The following MTA3 variants were observed in gnomAD, a reference collection of about 807,000 sequenced individuals.
MTA3 encodes metastasis-associated protein MTA3.
In MTA3, 34 loss-of-function variants were observed where a neutral mutation model predicts 83.5. That is an observed-to-expected ratio of 0.41 (90% CI 0.31 to 0.54). MTA3 has a LOEUF of 0.54. Among genes scored for constraint, MTA3 ranks in the 20% least tolerant of loss-of-function variants. The pLI is 0.33. For missense variants in MTA3, 761 were observed against 726.4 expected (o/e 1.05, Z -0.55); for synonymous variants, 303 against 252.7 (o/e 1.20, Z -1.89).
chr2:42,578,685 C>T (rs1679305067), intron 2 of MTA3, among the ~76,000 whole-genome samples: 1 of 152,028 alleles, frequency 6.6e-6, no homozygotes, highest in African/African-American at 2.4e-5. Flanking sequence ...TGGGTTTGGA[C>T]GAGGTGTGTT....
intron 2 of MTA3, among the ~76,000 whole-genome samples, chr2:42,509,412 G>C (rs938458924): frequency 6.6e-6 from 1 of 152,092 alleles, no homozygotes; most frequent in African/African-American, 2.4e-5. Context: ...CAAGGACTCT[G>C]GGGTCAGTTC....
intron 2 of MTA3, among the ~76,000 whole-genome samples, chr2:42,575,447 T>C (rs754260190): frequency 1.3e-5 from 2 of 152,230 alleles, no homozygotes; most frequent in Non-Finnish European, 2.9e-5. Context: ...TGTTAATGCT[T>C]ATGTGTACAT....
At chr2:42,599,427 T>C (rs1185803055) in intron 3 of MTA3, among the ~76,000 whole-genome samples, 1 of 151,872 alleles carries the variant, frequency 6.6e-6, no homozygotes, top group African/African-American at 2.4e-5. Context: ...ACCCCGTCTC[T>C]ACTAAAAAAA....
chr2:42,561,581 C>T (rs1025987282), intron 2 of MTA3, among the ~76,000 whole-genome samples: 2 of 152,112 alleles, frequency 1.3e-5, no homozygotes, highest in African/African-American at 4.8e-5. Context: ...CCTCTGCCTC[C>T]CAAAGTGCTG....
rs114284323 is a variant in MTA3, at chr2:42,656,857, A to G, written c.602+555A>G. Among the ~76,000 whole-genome samples the G allele has an allele frequency of 2.6e-3, 398 of 152,370 alleles. 1 individual carries two copies. Among genetic ancestry groups the G allele is most frequent in the African/African-American group, 9.1e-3 (380 of 41,584 alleles). On this transcript the variant is annotated intron_variant, in intron 7 of 16. Coordinates refer to ENST00000405094, the MANE Select transcript of MTA3 (RefSeq NM_001330442.2). ...AAAGTACATCAGCAAGCAATTGATG[A>G]ATGAACTGAGGTATACTCATATAGT...
At chr2:42,593,109 T>C (rs919492161) in intron 3 of MTA3, among the ~76,000 whole-genome samples, 1 of 151,710 alleles carries the variant, frequency 6.6e-6, no homozygotes, top group Non-Finnish European at 1.5e-5. Context: ...GCCGAGATCA[T>C]GTCACTGCAC....
chr2:42,710,904 C>A (rs55704257), intron 14 of MTA3, among the ~76,000 whole-genome samples: 14,496 of 151,632 alleles, frequency 0.096, 883 homozygotes, highest in Non-Finnish European at 0.13. Flanking sequence ...CATGGTGAAG[C>A]CTCATCTCTA....
chr2:42,652,418 CTTG>C (rs1688804816), intron 6 of MTA3, among the ~76,000 whole-genome samples: 2 of 152,286 alleles, frequency 1.3e-5, no homozygotes, highest in East Asian at 3.9e-4. Context: ...GCTGGGTAAT[CTTG>C]TTGTGTTTAT....
chr2:42,603,235 G>C (rs920530832), intron 3 of MTA3, among the ~76,000 whole-genome samples: 5 of 151,934 alleles, frequency 3.3e-5, no homozygotes, highest in African/African-American at 1.2e-4. Context: ...AATGGTGGTT[G>C]GTTGGAAGTT....
In MTA3 at chr2:42,638,889, G is replaced by GT. The variant is rs11367463; in HGVS notation, c.318-1270dup. Among the ~76,000 whole-genome samples, 1,461 of 146,624 alleles carry GT rather than the reference G, an allele frequency of 1.0e-2. 9 individuals carry two copies. The highest frequency in any genetic ancestry group is 0.012 in the Non-Finnish European group (795 of 66,676). On this transcript the variant is annotated intron_variant, in intron 4 of 16. Transcript: ENST00000405094. ...CCAGAAAAAGACATTTTTATAAGGG[G>GT]TTTTTTTTTTTTTTAATTTAAAGAG...
chr2:42,692,296 T>C (rs111917349), intron 9 of MTA3, among the ~76,000 whole-genome samples: 2,195 of 152,314 alleles, frequency 0.014, 53 homozygotes, highest in African/African-American at 0.049. Flanking sequence ...CATTTTCAAC[T>C]CTAGAATTTC....
At chr2:42,625,403 T>G (rs560604259) in intron 4 of MTA3, among the ~76,000 whole-genome samples, 2 of 151,824 alleles carry the variant, frequency 1.3e-5, no homozygotes, top group Admixed American at 1.3e-4. Flanking sequence ...AAATCTTTGA[T>G]TTTTCTAGCA....
At position 42,634,033 on chromosome 2, in the gene MTA3, C is replaced by A. The variant is rs1686949898; in HGVS notation, c.318-6140C>A. ...GATATTGTATCCCAGGGACCTTTGA[C>A]AATTTGGACAGTTTGGCTCTAACAA... On this transcript the variant is annotated intron_variant, in intron 4 of 16. Coordinates refer to ENST00000405094, the MANE Select transcript of MTA3 (RefSeq NM_001330442.2). Among the ~76,000 whole-genome samples the A allele has an allele frequency of 3.3e-5, 5 of 152,190 alleles. No homozygotes were observed. In the South Asian group the frequency reaches 1.0e-3, roughly 32 times the overall value.
At chr2:42,571,739 G>T (rs1369541546) in intron 2 of MTA3, among the ~76,000 whole-genome samples, 1 of 149,596 alleles carries the variant, frequency 6.7e-6, no homozygotes, top group Non-Finnish European at 1.5e-5. Context: ...CCTGAGGTTG[G>T]GAGTTTGAGA....
rs555426160 is a variant in MTA3, at chr2:42,624,014, G to C, written c.317+14430G>C. ...TAGGCTGAGCCACTTCGCCCGGTCT[G>C]GTAGTTCAGATTTAAAGGTATGGTT... On this transcript the variant is annotated intron_variant, in intron 4 of 16. Transcript: ENST00000405094. Among the ~76,000 whole-genome samples the C allele has an allele frequency of 5.3e-5, 8 of 151,986 alleles. No homozygotes were observed. In the South Asian group the frequency reaches 1.7e-3, roughly 32 times the overall value.
intron 2 of MTA3, among the ~76,000 whole-genome samples, chr2:42,575,560 TAAAA>T (rs35207640): frequency 6.8e-6 from 1 of 147,834 alleles, no homozygotes; most frequent in Admixed American, 6.8e-5. Flanking sequence ...GCAAGGGTGA[TAAAA>T]AAAAAACAGG....
chr2:42,731,671 A>G lies in MTA3; in HGVS notation c.1759+8636A>G, dbSNP rs2104563100. Among the ~76,000 whole-genome samples, 4 of 152,294 alleles carry G rather than the reference A, an allele frequency of 2.6e-5. No homozygotes were observed. In the South Asian group the frequency reaches 8.3e-4, roughly 32 times the overall value. ...TTGGGTGGCGACACAGCCAAACCATATCATTCCACCCCTGGCCCCTCCAAA... is the reference window on the plus strand; with the variant it reads ...TTGGGTGGCGACACAGCCAAACCATGTCATTCCACCCCTGGCCCCTCCAAA... On this transcript the variant is annotated intron_variant, in intron 16 of 16. Coordinates refer to ENST00000405094, the MANE Select transcript of MTA3 (RefSeq NM_001330442.2).
At chr2:42,668,081 G>A (rs1690457620) in intron 8 of MTA3, among the ~76,000 whole-genome samples, 1 of 152,160 alleles carries the variant, frequency 6.6e-6, no homozygotes, top group African/African-American at 2.4e-5. Flanking sequence ...CTCTGCTTCA[G>A]GAAGGTTATG....
At chr2:42,594,728 A>ATATATATATATATATATATTTTTT in intron 3 of MTA3, among the ~76,000 whole-genome samples, 25 of 24,034 alleles carry the variant, frequency 1.0e-3, no homozygotes, top group Non-Finnish European at 1.3e-3. Context: ...ATATATATAT[A>ATATATATATATATATATATTTTTT]TTTTTTTTTT....
Sources: allele counts gnomAD v4.1 joint callset (sites outside exome capture counted in the v4.1 genomes callset), GRCh38; gene constraint gnomAD v4.1.1; transcripts MANE v1.5; gene names NCBI Gene and HGNC (gene_info 2026-07-23, HGNC 2026-07-21).